The following CTNNBIP1 variants were observed in gnomAD, a reference collection of about 807,000 sequenced individuals.
CTNNBIP1 encodes the protein beta-catenin-interacting protein 1.
A neutral mutation model predicts 11.8 loss-of-function variants in CTNNBIP1; 7 were observed. The observed-to-expected ratio is 0.60, with a 90% confidence interval of 0.34 to 1.12. The LOEUF (loss-of-function observed/expected upper bound fraction) is 1.12. CTNNBIP1 is among the 50% of genes most tolerant of loss of function. CTNNBIP1 has a pLI of 0.03. For missense variants in CTNNBIP1, 101 were observed against 113.4 expected (o/e 0.89, Z 0.50); for synonymous variants, 58 against 43.9 (o/e 1.32, Z -1.26).
chr1:9,906,270 A>G (rs1639617857), intron 1 of CTNNBIP1, among the ~76,000 whole-genome samples: 1 of 152,102 alleles, frequency 6.6e-6, no homozygotes, highest in African/African-American at 2.4e-5. Flanking sequence ...TAAGAGCTAC[A>G]CTTCAGGCCA....
chr1:9,895,793 G>C (rs1167506888), intron 1 of CTNNBIP1, among the ~76,000 whole-genome samples: 2 of 152,080 alleles, frequency 1.3e-5, no homozygotes, highest in African/African-American at 4.8e-5. Flanking sequence ...CACCGCACCT[G>C]GCCTTGTTTT....
intron 1 of CTNNBIP1, among the ~76,000 whole-genome samples, chr1:9,888,576 A>G (rs905179097): frequency 1.3e-5 from 2 of 152,022 alleles, no homozygotes; most frequent in Non-Finnish European, 2.9e-5. Context: ...AAGAAATGGT[A>G]ATGTAAGGCG....
At chr1:9,898,250 G>A (rs1047598750) in intron 1 of CTNNBIP1, among the ~76,000 whole-genome samples, 4 of 150,676 alleles carry the variant, frequency 2.7e-5, no homozygotes, top group Admixed American at 2.6e-4. Flanking sequence ...AGTGGGCCGG[G>A]CACAGTGGCT....
rs1487480013 is a variant in CTNNBIP1, at chr1:9,883,258, CA to C, written c.-110+446del. Among the ~76,000 whole-genome samples, 2 of 152,198 alleles carry C rather than the reference CA, an allele frequency of 1.3e-5. No homozygotes were observed. The highest frequency in any genetic ancestry group is 6.5e-5 in the Admixed American group (1 of 15,288). On this transcript the variant is annotated intron_variant, in intron 2 of 5. Coordinates refer to ENST00000377263, the MANE Select transcript of CTNNBIP1 (RefSeq NM_020248.3). This position sits in a 1 kb window ranked among gnomAD's most constrained non-coding sequence, Gnocchi z 5.6. ...AGGAAGACCGGAGTCTGGGTGGATT[CA>C]TGTGAAGCCCTGTGTGAGATGTGTG...
At chr1:9,886,481 G>C (rs145949818) in intron 1 of CTNNBIP1, among the ~76,000 whole-genome samples, 17 of 152,350 alleles carry the variant, frequency 1.1e-4, no homozygotes, top group African/African-American at 3.8e-4. Context: ...CAGCTGACAC[G>C]TACTCTGGCT....
At chr1:9,861,379 G>A (rs1198940843) in intron 5 of CTNNBIP1, among the ~76,000 whole-genome samples, 1 of 152,198 alleles carries the variant, frequency 6.6e-6, no homozygotes, top group East Asian at 1.9e-4. Flanking sequence ...GGTGGCATGT[G>A]CTATTTTCAG....
At chr1:9,902,851 C>T (rs191564019) in intron 1 of CTNNBIP1, among the ~76,000 whole-genome samples, 9 of 152,178 alleles carry the variant, frequency 5.9e-5, no homozygotes, top group East Asian at 1.9e-4. Flanking sequence ...CTGCAACCTC[C>T]GCCTCCAGCG....
intron 5 of CTNNBIP1, among the ~76,000 whole-genome samples, chr1:9,858,599 A>G (rs2101444705): frequency 6.6e-6 from 1 of 152,286 alleles, no homozygotes; most frequent in East Asian, 1.9e-4. Context: ...CACAACTTCT[A>G]AAATGGCCCT....
At chr1:9,904,581 G>T (rs1416944214) in intron 1 of CTNNBIP1, among the ~76,000 whole-genome samples, 1 of 152,146 alleles carries the variant, frequency 6.6e-6, no homozygotes, top group Non-Finnish European at 1.5e-5. Flanking sequence ...CCTCTATAGA[G>T]GGGCCTGGTG....
chr1:9,874,800 G>A (rs1638931019), intron 3 of CTNNBIP1, among the ~76,000 whole-genome samples: 1 of 152,178 alleles, frequency 6.6e-6, no homozygotes, highest in African/African-American at 2.4e-5. Context: ...TGTGTTAAGA[G>A]ACCAAGTACC....
chr1:9,859,373 A>G (rs967574592), intron 5 of CTNNBIP1, among the ~76,000 whole-genome samples: 10 of 152,208 alleles, frequency 6.6e-5, no homozygotes, highest in Admixed American at 3.9e-4. Context: ...GAGCTTAGAA[A>G]AGGGAAGCTG....
chr1:9,897,350 A>G (rs1395601390), intron 1 of CTNNBIP1, among the ~76,000 whole-genome samples: 1 of 152,140 alleles, frequency 6.6e-6, no homozygotes, highest in African/African-American at 2.4e-5. Context: ...GCTACTCAGG[A>G]GGCTGAGGCA....
intron 5 of CTNNBIP1, among the ~76,000 whole-genome samples, chr1:9,862,516 A>G (rs894363860): frequency 1.3e-5 from 2 of 152,220 alleles, no homozygotes; most frequent in Non-Finnish European, 2.9e-5. Context: ...CTGCATTTTA[A>G]CAAGCACCCT....
rs141182463 is a variant in CTNNBIP1 at position 9,884,408 on chromosome 1, C to T, written c.-143-670G>A. On this transcript the variant is annotated intron_variant, in intron 1 of 5. Coordinates refer to ENST00000377263, the MANE Select transcript of CTNNBIP1 (RefSeq NM_020248.3). ...GGGAAGACAGCCAGGCCTTAATCCC[C>T]GAGAGCTGCCCAGCCCCAGGCCTCC... 2.0e-5 allele frequency among the ~76,000 whole-genome samples: 3 copies of T among 152,212 alleles called. No individual in the cohort carries two copies. In the East Asian group the frequency reaches 5.8e-4, roughly 29 times the overall value.
In CTNNBIP1 at chr1:9,879,013, T is replaced by C. The variant is rs549964271; in HGVS notation, c.-109-1024A>G. 1.3e-3 allele frequency among the ~76,000 whole-genome samples: 205 copies of C among 152,192 alleles called. 2 individuals are homozygous for C. The highest frequency in any genetic ancestry group is 4.6e-3 in the African/African-American group (189 of 41,524). On this transcript the variant is annotated intron_variant, in intron 2 of 5. Coordinates refer to ENST00000377263, the MANE Select transcript of CTNNBIP1 (RefSeq NM_020248.3). ...GCGTTCGAGACCAGCCTGGCCAACATAGTGAAACCCTGTATCTACTAAAAA... is the reference window on the plus strand; with the variant it reads ...GCGTTCGAGACCAGCCTGGCCAACACAGTGAAACCCTGTATCTACTAAAAA...
chr1:9,877,618 T>C (rs1162901923), intron 3 of CTNNBIP1, among the ~76,000 whole-genome samples: 1 of 152,220 alleles, frequency 6.6e-6, no homozygotes, highest in Admixed American at 6.5e-5. Flanking sequence ...GATGTTTACA[T>C]TGCAAAAAAA....
Position 9,886,779 on chromosome 1 carries a change from A to T in CTNNBIP1, c.-143-3041T>A, listed in dbSNP as rs1029557125. Among the ~76,000 whole-genome samples the T allele has an allele frequency of 3.9e-5, 6 of 152,298 alleles. No homozygotes were observed. In the East Asian group the frequency reaches 1.2e-3, roughly 29 times the overall value. On this transcript the variant is annotated intron_variant, in intron 1 of 5. Transcript: ENST00000377263. ...AGAGGCCTGCCGCAGCTCCTGCTAG[A>T]GTCCCACACAAGGTAGCACCTCAGG...
chr1:9,909,184 C>CA (rs1171308873), intron 1 of CTNNBIP1, among the ~76,000 whole-genome samples: 1 of 152,198 alleles, frequency 6.6e-6, no homozygotes, highest in Non-Finnish European at 1.5e-5. Flanking sequence ...GTCCCTTACC[C>CA]ACACACCCTG....
chr1:9,857,912 T>C (rs1048041102), intron 5 of CTNNBIP1, among the ~76,000 whole-genome samples: 2 of 152,110 alleles, frequency 1.3e-5, no homozygotes, highest in Admixed American at 6.5e-5. Context: ...TGTGGAGCAA[T>C]TGGAACCCTC....
Sources: gnomAD v4.1 joint callset for allele counts (sites outside exome capture counted in the v4.1 genomes callset) on GRCh38, gnomAD v4.1.1 for gene constraint, Gnocchi (gnomAD v3.1) non-coding constraint, MANE v1.5 for transcripts, NCBI Gene and HGNC (gene_info 2026-07-23, HGNC 2026-07-21) for gene names.